CYP2C19: variants seen among roughly 807,000 people sequenced by gnomAD.
The protein encoded by CYP2C19 is cytochrome P450 family 2 subfamily C member 19.
Under a neutral mutation model 40.9 loss-of-function variants are expected in CYP2C19, and 59 were observed. That is an observed-to-expected ratio of 1.44 (90% CI 1.17 to 1.79). CYP2C19 has a LOEUF of 1.79. Ranked by LOEUF, CYP2C19 falls within the 40% of genes most tolerant of loss-of-function variation. The pLI is 0.00. For synonymous variants in CYP2C19, 253 were observed against 208.7 expected, an observed-to-expected ratio of 1.21 and a Z score of -1.83; for missense variants, 754 against 596.9, an observed-to-expected ratio of 1.26 and a Z score of -2.74.
At chr10:94,775,668 G>A (rs1848398309) in intron 3 of CYP2C19, 129 bp downstream of exon 3, 14 of 1,523,212 alleles carry the variant, frequency 9.2e-6, no homozygotes, top group South Asian at 7.0e-5. Context: ...TGTGAAGCAG[G>A]GTTTGAAGCT....
chr10:94,838,594 G>A (rs1172397592), intron 6 of CYP2C19, among the ~76,000 whole-genome samples: 1 of 152,048 alleles, frequency 6.6e-6, no homozygotes, highest in Non-Finnish European at 1.5e-5. Context: ...GGGAATATTG[G>A]CACTCTTTGG....
At chr10:94,848,644 T>A (rs1246655049) in intron 7 of CYP2C19, among the ~76,000 whole-genome samples, 1 of 152,216 alleles carries the variant, frequency 6.6e-6, no homozygotes, top group East Asian at 1.9e-4. Flanking sequence ...GGGGATGGCA[T>A]TGAATCTATA....
chr10:94,839,931 C>G (rs1159253812), intron 6 of CYP2C19, among the ~76,000 whole-genome samples: 1 of 152,172 alleles, frequency 6.6e-6, no homozygotes, highest in Non-Finnish European at 1.5e-5. Flanking sequence ...CTTTTTCTAA[C>G]CTTATAGCCC....
At chr10:94,836,755 C>T (rs1210392410) in intron 6 of CYP2C19, among the ~76,000 whole-genome samples, 1 of 152,178 alleles carries the variant, frequency 6.6e-6, no homozygotes, top group Non-Finnish European at 1.5e-5. Context: ...AGAGCTGAGC[C>T]TTTGGTTTGG....
At chr10:94,838,615 A>G (rs968508098) in intron 6 of CYP2C19, among the ~76,000 whole-genome samples, 9 of 151,688 alleles carry the variant, frequency 5.9e-5, no homozygotes, top group African/African-American at 2.2e-4. Context: ...TTCATTATTT[A>G]CCCCTTTATC....
Position 94,849,985 on chromosome 10 carries a change from G to T in CYP2C19, c.1218G>T (p.Met406Ile). Residue 406 changes from methionine to isoleucine, a missense_variant, in exon 8 of 9, where the codon ATG (methionine) becomes ATT (isoleucine). Transcript: ENST00000371321. ...HDNKEFPNPE[M>I]FDPRHFLDEG... ...ACAAAGAATTTCCCAACCCAGAGAT[G>T]TTTGACCCTCGTCACTTTCTGGATG... 1.2e-6 allele frequency: 2 copies of T among 1,613,732 alleles called. No homozygotes were observed. The highest frequency in any genetic ancestry group is 1.7e-6 in the Non-Finnish European group (2 of 1,179,774).
At chr10:94,805,820 C>A (rs1225365436) in intron 5 of CYP2C19, among the ~76,000 whole-genome samples, 1 of 152,218 alleles carries the variant, frequency 6.6e-6, no homozygotes, top group East Asian at 1.9e-4. Context: ...CATAGTAACA[C>A]AAGATGGGCC....
intron 6 of CYP2C19, among the ~76,000 whole-genome samples, chr10:94,826,977 T>C (rs1460122019): frequency 2.0e-5 from 3 of 152,164 alleles, no homozygotes; most frequent in Non-Finnish European, 4.4e-5. Context: ...TTGATTTGCG[T>C]ATATTGAACC....
At chr10:94,763,622 G>T (rs1451957612) in intron 1 of CYP2C19, among the ~76,000 whole-genome samples, 1 of 151,968 alleles carries the variant, frequency 6.6e-6, no homozygotes, top group African/African-American at 2.4e-5. Flanking sequence ...AAGCATGATG[G>T]TATGATCAGA....
At chr10:94,781,229 C>T (rs1848475171) in intron 4 of CYP2C19, among the ~76,000 whole-genome samples, 1 of 152,056 alleles carries the variant, frequency 6.6e-6, no homozygotes, top group African/African-American at 2.4e-5. Context: ...GAACCATAAA[C>T]AGACATCACA....
chr10:94,776,952 G>A (rs994173342), intron 3 of CYP2C19, among the ~76,000 whole-genome samples: 1 of 152,086 alleles, frequency 6.6e-6, no homozygotes, highest in Non-Finnish European at 1.5e-5. Flanking sequence ...ATTCAGCAAC[G>A]TCTCAGGATA....
At position 94,813,785 on chromosome 10, in the gene CYP2C19, G is replaced by A. The variant is rs559200963; in HGVS notation, c.820-6711G>A. 4.6e-5 allele frequency among the ~76,000 whole-genome samples: 7 copies of A among 151,154 alleles called. No individual in the cohort carries two copies. The South Asian group carries it at 1.5e-3, about 32-fold the overall frequency. ...TCCCTGGCTTCAGTCCTCTTTCCAG[G>A]GGACTGAATGGTTCTGACTTGCTGG... On this transcript the variant is annotated intron_variant, in intron 5 of 8. Coordinates refer to ENST00000371321, the MANE Select transcript of CYP2C19 (RefSeq NM_000769.4).
chr10:94,853,065 A>C lies in CYP2C19; in HGVS notation c.*151A>C, dbSNP rs936857695. The C allele has an allele frequency of 3.1e-5, 25 of 804,338 alleles. No homozygotes were observed. The highest frequency in any genetic ancestry group is 4.8e-5 in the Non-Finnish European group (25 of 517,348). The allele number at this position is 804,338 out of a possible 1,614,324, so 49.8% of individuals were successfully genotyped here. A position where few individuals can be genotyped will look rare whatever the true frequency, so the allele number is the denominator to read the frequency against. On this transcript the variant is annotated 3_prime_UTR_variant, in exon 9 of 9. Coordinates refer to ENST00000371321, the MANE Select transcript of CYP2C19 (RefSeq NM_000769.4). ...AGTGAACATTCAGCCTCCATTAAAA[A>C]AGTTTCACTGTGCAAATATATCTGC...
At chr10:94,794,528 C>A (rs1375065121) in intron 5 of CYP2C19, among the ~76,000 whole-genome samples, 1 of 152,156 alleles carries the variant, frequency 6.6e-6, no homozygotes, top group Non-Finnish European at 1.5e-5. Context: ...TTATTCCTAT[C>A]CAAGAGCATG....
chr10:94,824,740 T>G (rs1449777338), intron 6 of CYP2C19, among the ~76,000 whole-genome samples: 1 of 151,928 alleles, frequency 6.6e-6, no homozygotes, highest in Non-Finnish European at 1.5e-5. Flanking sequence ...TGTGCCATGC[T>G]GGTGCACGGC....
At position 94,854,997 on chromosome 10, in the gene CYP2C19, A is replaced by T. The variant is rs554526554; in HGVS notation, c.*2083A>T. ...ACAAACACCCATGGGTGAGATAAAT[A>T]AAAAAGTTGTCTAGTCTGTTTCCTC... On this transcript the variant is annotated 3_prime_UTR_variant, in exon 9 of 9. Coordinates refer to ENST00000371321, the MANE Select transcript of CYP2C19 (RefSeq NM_000769.4). 6.6e-6 allele frequency among the ~76,000 whole-genome samples: 1 copy of T among 152,318 alleles called. No individual in the cohort carries two copies. The highest frequency in any genetic ancestry group is 2.1e-4 in the South Asian group (1 of 4,832).
intron 6 of CYP2C19, among the ~76,000 whole-genome samples, chr10:94,820,897 A>G (rs1424192145): frequency 6.6e-6 from 1 of 152,178 alleles, no homozygotes; most frequent in Non-Finnish European, 1.5e-5. Flanking sequence ...CAGCCTGGCC[A>G]ATATGGCCAA....
rs965457405 is a variant in CYP2C19, at chr10:94,811,436, T to A, written c.820-9060T>A. Among the ~76,000 whole-genome samples the A allele has an allele frequency of 1.1e-4, 16 of 152,198 alleles. No individual in the cohort carries two copies. The South Asian group carries it at 1.2e-3, about 12-fold the overall frequency. ...GCTTAGTTCAAGTCCTGGAGATCCT[T>A]GTTAAATTTCTGTCTCATTGATCTG... On this transcript the variant is annotated intron_variant, in intron 5 of 8. Transcript: ENST00000371321.
chr10:94,786,248 A>G (rs1487225663), intron 5 of CYP2C19, among the ~76,000 whole-genome samples: 1 of 152,148 alleles, frequency 6.6e-6, no homozygotes, highest in Non-Finnish European at 1.5e-5. Context: ...TGAATTGGAC[A>G]ATCAACTTTC....
Sources: gnomAD v4.1 joint callset for allele counts (sites outside exome capture counted in the v4.1 genomes callset) on GRCh38, gnomAD v4.1.1 for gene constraint, MANE v1.5 for transcripts, NCBI Gene and HGNC (gene_info 2026-07-23, HGNC 2026-07-21) for gene names.